SDK1: variants seen among roughly 807,000 people sequenced by gnomAD.
SDK1 encodes the protein sidekick cell adhesion molecule 1.
In SDK1, 157 loss-of-function variants were observed where a neutral mutation model predicts 245.5. The ratio of observed to expected loss-of-function variants is 0.64; its 90% CI spans 0.56 to 0.73. The LOEUF is 0.73. Among genes scored for constraint, SDK1 ranks in the 30% least tolerant of loss-of-function variants. The probability of loss-of-function intolerance (pLI) is 0.00; values close to 1 mark genes in which losing one functional copy is unlikely to be tolerated. For missense variants in SDK1, 3,583 were observed against 3,002.3 expected (o/e 1.19, Z -4.52); for synonymous variants, 1,647 against 1,278.5 (o/e 1.29, Z -6.15).
intron 5 of SDK1, among the ~76,000 whole-genome samples, chr7:3,923,830 G>T (rs969451804): frequency 6.6e-6 from 1 of 152,194 alleles, no homozygotes; most frequent in African/African-American, 2.4e-5. Context: ...TGTGGAGTTT[G>T]CAGGGTTCCT....
rs548228032 is a variant in SDK1 at position 3,741,515 on chromosome 7, A to T, written c.714-79935A>T. Among the ~76,000 whole-genome samples the T allele has an allele frequency of 2.1e-4, 32 of 152,302 alleles. 1 individual carries two copies. The highest frequency in any genetic ancestry group is 7.7e-4 in the African/African-American group (32 of 41,578). On this transcript the variant is annotated intron_variant, in intron 4 of 44. Coordinates refer to ENST00000404826, the MANE Select transcript of SDK1 (RefSeq NM_152744.4). Reference sequence around the variant, plus strand: ...TTTAAAACTGTTGTGTATGTATTTTATCTGTGTTATTCTTGAATATTGGAT... The same window carrying T: ...TTTAAAACTGTTGTGTATGTATTTTTTCTGTGTTATTCTTGAATATTGGAT...
intron 1 of SDK1, among the ~76,000 whole-genome samples, chr7:3,505,222 T>A (rs114759927): frequency 6.6e-6 from 1 of 152,222 alleles, no homozygotes; most frequent in African/African-American, 2.4e-5. Context: ...TTTTTTGATC[T>A]AGGGTTTACA....
intron 20 of SDK1, among the ~76,000 whole-genome samples, chr7:4,074,894 A>G (rs868592990): frequency 0.049 from 3,161 of 63,954 alleles, 64 homozygotes; most frequent in African/African-American, 0.067. Context: ...CTGTATATAT[A>G]TATATATATA....
At chr7:4,219,667 C>A (rs894641177) in intron 38 of SDK1, among the ~76,000 whole-genome samples, 1 of 152,134 alleles carries the variant, frequency 6.6e-6, no homozygotes, top group Non-Finnish European at 1.5e-5. Context: ...CTATCACTCC[C>A]CTCCCTCGTG....
chr7:3,610,053 C>T (rs1213231606), intron 1 of SDK1, among the ~76,000 whole-genome samples: 3 of 152,198 alleles, frequency 2.0e-5, no homozygotes, highest in Non-Finnish European at 2.9e-5. Flanking sequence ...AAACTCAAAT[C>T]ACATATTATT....
At chr7:3,496,705 TC>T (rs906833346) in intron 1 of SDK1, among the ~76,000 whole-genome samples, 27 of 152,334 alleles carry the variant, frequency 1.8e-4, no homozygotes, top group Non-Finnish European at 3.7e-4. Flanking sequence ...ATGTCTGTGT[TC>T]CGACTACTTT....
chr7:3,807,423 G>C (rs533309933), intron 4 of SDK1, among the ~76,000 whole-genome samples: 1 of 152,306 alleles, frequency 6.6e-6, no homozygotes, highest in Admixed American at 6.5e-5. Flanking sequence ...AATGCCAGGG[G>C]CTGCCTCAAG....
At chr7:3,431,547 A>G (rs1161564187) in intron 1 of SDK1, among the ~76,000 whole-genome samples, 1 of 152,120 alleles carries the variant, frequency 6.6e-6, no homozygotes, top group Non-Finnish European at 1.5e-5. Flanking sequence ...GTGAATACCA[A>G]ATCAATTTTT....
intron 29 of SDK1, among the ~76,000 whole-genome samples, chr7:4,148,855 A>C (rs12701434): frequency 6.6e-6 from 1 of 152,052 alleles, no homozygotes; most frequent in Admixed American, 6.5e-5. Context: ...CAAGAGATCA[A>C]GACCATCCTG....
intron 5 of SDK1, among the ~76,000 whole-genome samples, chr7:3,846,674 C>G (rs1317965983): frequency 6.6e-6 from 1 of 152,210 alleles, no homozygotes; most frequent in African/African-American, 2.4e-5. Flanking sequence ...AAATTTCCCC[C>G]ACTTCTCTGA....
rs1009447364 is a variant in SDK1, at chr7:4,266,849, A to G, written c.*1465A>G. The G allele has an allele frequency of 3.0e-6, 3 of 985,372 alleles. No homozygotes were observed. The highest frequency in any genetic ancestry group is 5.2e-4 in the Middle Eastern group (1 of 1,938). 61.0% of individuals were successfully genotyped at this position (985,372 alleles called of 1,614,324 possible). On this transcript the variant is annotated 3_prime_UTR_variant, in exon 45 of 45. Coordinates refer to ENST00000404826, the MANE Select transcript of SDK1 (RefSeq NM_152744.4). ...CAGCAGCGTGACACACACAAGACTC[A>G]AGACCACCCTGTCAGTGCCCCCCAG... is the stretch of plus-strand genomic sequence containing the variant.
At chr7:3,571,497 G>A (rs1368061173) in intron 1 of SDK1, among the ~76,000 whole-genome samples, 1 of 151,814 alleles carries the variant, frequency 6.6e-6, no homozygotes, top group East Asian at 1.9e-4. Context: ...TACAGACAGG[G>A]TCTTGCTGTG....
At chr7:3,420,790 T>G (rs1779513800) in intron 1 of SDK1, among the ~76,000 whole-genome samples, 1 of 152,176 alleles carries the variant, frequency 6.6e-6, no homozygotes, top group Admixed American at 6.6e-5. Flanking sequence ...ATGGGCAGGG[T>G]GTGCAGAGTC....
At chr7:3,488,738 G>A (rs1400973364) in intron 1 of SDK1, among the ~76,000 whole-genome samples, 2 of 152,090 alleles carry the variant, frequency 1.3e-5, no homozygotes, top group Non-Finnish European at 2.9e-5. Context: ...TTAACTGGGG[G>A]CCTCAGTAGC....
chr7:3,419,903 A>G (rs1186299749), intron 1 of SDK1, among the ~76,000 whole-genome samples: 1 of 152,218 alleles, frequency 6.6e-6, no homozygotes, highest in Non-Finnish European at 1.5e-5. Flanking sequence ...AAAAGCAAAG[A>G]TAAATAAGTA....
chr7:3,926,643 T>C (rs891299995), intron 5 of SDK1, among the ~76,000 whole-genome samples: 78 of 152,116 alleles, frequency 5.1e-4, no homozygotes, highest in African/African-American at 1.7e-3. Context: ...CCTTCTACAG[T>C]GCTGGGATTG....
At chr7:4,145,938 G>A (rs1326453758) in intron 29 of SDK1, 22 bp downstream of exon 29, 1 of 1,575,902 alleles carries the variant, frequency 6.3e-7, no homozygotes, top group Non-Finnish European at 8.6e-7. Flanking sequence ...GGGGACCCGG[G>A]GGTACTGCAG....
chr7:3,488,065 A>T (rs1305205500), intron 1 of SDK1, among the ~76,000 whole-genome samples: 1 of 152,142 alleles, frequency 6.6e-6, no homozygotes, highest in Non-Finnish European at 1.5e-5. Flanking sequence ...CCTTTCAAAG[A>T]AGTCTCTTGG....
intron 1 of SDK1, among the ~76,000 whole-genome samples, chr7:3,310,046 A>G (rs569623610): frequency 6.6e-6 from 1 of 152,196 alleles, no homozygotes; most frequent in Non-Finnish European, 1.5e-5. Context: ...CACCTAGGGA[A>G]TAACTAGAGC....
Sources: allele counts gnomAD v4.1 joint callset (sites outside exome capture counted in the v4.1 genomes callset), GRCh38; gene constraint gnomAD v4.1.1; transcripts MANE v1.5; gene names NCBI Gene and HGNC (gene_info 2026-07-23, HGNC 2026-07-21).